OTUD7A: variants seen among roughly 807,000 people sequenced by gnomAD.
OTUD7A encodes the protein OTU deubiquitinase 7A, also known as OTU domain-containing protein 7A.
A neutral mutation model predicts 65.7 loss-of-function variants in OTUD7A; 12 were observed. That is an observed-to-expected ratio of 0.18 (90% CI 0.12 to 0.30). OTUD7A has a LOEUF of 0.30. OTUD7A is among the 10% of genes least tolerant of loss of function. The probability of loss-of-function intolerance (pLI) is 1.00; values close to 1 mark genes in which losing one functional copy is unlikely to be tolerated. For synonymous variants in OTUD7A, 641 were observed against 586.3 expected (o/e 1.09, Z -1.35); for missense variants, 1,148 against 1,304.8 (o/e 0.88, Z 1.85).
At chr15:31,848,163 G>A (rs1223376274) in intron 1 of OTUD7A, among the ~76,000 whole-genome samples, 1 of 152,182 alleles carries the variant, frequency 6.6e-6, no homozygotes, top group Non-Finnish European at 1.5e-5. Context: ...TTACAGGAGC[G>A]GCCTCACTGC....
chr15:31,483,477 G>A lies in OTUD7A; in HGVS notation c.2619C>T (p.Asp873=), dbSNP rs1363802429. Residue 873 remains aspartate (D), a synonymous_variant, in exon 13 of 13, where the codon GAC becomes GAT. Coordinates refer to ENST00000307050, the MANE Select transcript of OTUD7A (RefSeq NM_001382637.1). ...GALRDGLEFA[D]ADAPTARSNG... ...TCGAGCGCGCGGTCGGCGCGTCGGC[G>A]TCGGCGAACTCCAGGCCGTCGCGCA... 2 of 1,390,792 alleles carry A rather than the reference G, an allele frequency of 1.4e-6. No homozygotes were observed. The highest frequency in any genetic ancestry group is 1.4e-5 in the South Asian group (1 of 71,014). 86.2% of individuals were successfully genotyped at this position (1,390,792 alleles called of 1,614,324 possible). A position where few individuals can be genotyped will look rare whatever the true frequency, so the allele number is the denominator to read the frequency against.
intron 1 of OTUD7A, among the ~76,000 whole-genome samples, chr15:31,827,231 C>T (rs531712693): frequency 3.5e-4 from 53 of 152,350 alleles, no homozygotes; most frequent in Admixed American, 1.4e-3. Context: ...ACTTACAGTT[C>T]CATGTGGCTG....
chr15:31,710,447 C>T (rs1250360435), intron 1 of OTUD7A, among the ~76,000 whole-genome samples: 3 of 151,374 alleles, frequency 2.0e-5, no homozygotes, highest in Admixed American at 2.0e-4. Flanking sequence ...TTCACCCAGC[C>T]GCACGGCCAT....
At chr15:31,560,306 G>C (rs1235924895) in intron 4 of OTUD7A, among the ~76,000 whole-genome samples, 1 of 152,174 alleles carries the variant, frequency 6.6e-6, no homozygotes, top group Non-Finnish European at 1.5e-5. Context: ...CTTCTGTCTG[G>C]ATATTCTTTT....
rs1412281471 is a variant in OTUD7A, at chr15:31,820,518, T to C, written c.-100+49989A>G. Among the ~76,000 whole-genome samples, 4 of 152,268 alleles carry C rather than the reference T, an allele frequency of 2.6e-5. No individual in the cohort carries two copies. The East Asian group carries it at 5.8e-4, about 22-fold the overall frequency. ...ACAGTGTGTCAGGCACAGTACTAAA[T>C]GCTTCCCATGCATTTATTTATTTTA... On this transcript the variant is annotated intron_variant, in intron 1 of 12. Transcript: ENST00000307050.
At chr15:31,660,284 C>G (rs888560036) in intron 1 of OTUD7A, among the ~76,000 whole-genome samples, 10 of 152,224 alleles carry the variant, frequency 6.6e-5, no homozygotes, top group African/African-American at 1.9e-4. Context: ...GATGTCTCAA[C>G]TCAGATGTCA....
intron 1 of OTUD7A, among the ~76,000 whole-genome samples, chr15:31,775,243 T>A (rs1223430794): frequency 6.6e-6 from 1 of 152,048 alleles, no homozygotes; most frequent in Non-Finnish European, 1.5e-5. Context: ...CCAAAATATA[T>A]GGACCCAAGG....
chr15:31,546,043 T>G (rs1888120978), intron 5 of OTUD7A, among the ~76,000 whole-genome samples: 1 of 152,230 alleles, frequency 6.6e-6, no homozygotes, highest in Admixed American at 6.5e-5. Context: ...GGCATTGTGT[T>G]AGGTATTACA....
chr15:31,734,186 A>T lies in OTUD7A; in HGVS notation c.-99-77109T>A, dbSNP rs1894122841. Among the ~76,000 whole-genome samples, 3 of 152,196 alleles carry T rather than the reference A, an allele frequency of 2.0e-5. No homozygotes were observed. The South Asian group carries it at 6.2e-4, about 32-fold the overall frequency. On this transcript the variant is annotated intron_variant, in intron 1 of 12. Transcript: ENST00000307050. The stretch of plus-strand genomic sequence containing the variant: ...CAAAAAGAATAAAATACCAAGGAAT[A>T]CAGCTAACCAGGGAGGTTAAAAATC...
intron 1 of OTUD7A, among the ~76,000 whole-genome samples, chr15:31,746,208 CAT>C (rs946893126): frequency 5.9e-5 from 9 of 152,292 alleles, no homozygotes; most frequent in South Asian, 2.1e-4. Context: ...GAAATGAAAA[CAT>C]GTGTCTACAC....
In OTUD7A at chr15:31,483,452, T is replaced by G. The variant is rs1052234423; in HGVS notation, c.2644A>C (p.Asn882His). The change falls in exon 13 of 13, where the codon AAC becomes CAC. Residue 882 changes from asparagine to histidine, a missense_variant. Physicochemically the swap from Asn to His is moderately conservative, Grantham distance 68. Around this residue, in one of 6 missense-constraint regions of OTUD7A, gnomAD observed 842 missense variants for 769.5 expected, o/e 1.09. Transcript: ENST00000307050. ...GGGCCGCCACGGCCGCACTCACCGT[T>G]CGAGCGCGCGGTCGGCGCGTCGGCG... ...ADADAPTARS[N>H]GECGRGGPGP... The G allele has an allele frequency of 8.8e-5, 122 of 1,380,048 alleles. No homozygotes were observed. Among genetic ancestry groups the G allele is most frequent in the Middle Eastern group, 2.5e-4 (1 of 3,972 alleles). 85.5% of individuals were successfully genotyped at this position (1,380,048 alleles called of 1,614,324 possible).
chr15:31,602,222 C>T (rs188805785), intron 3 of OTUD7A, among the ~76,000 whole-genome samples: 2 of 152,180 alleles, frequency 1.3e-5, no homozygotes, highest in African/African-American at 4.8e-5. Flanking sequence ...ACTGGCAAAC[C>T]GAATCCAGCA....
At position 31,778,155 on chromosome 15, in the gene OTUD7A, C is replaced by T. The variant is rs150692847; in HGVS notation, c.-100+92352G>A. Among the ~76,000 whole-genome samples the T allele has an allele frequency of 4.8e-4, 73 of 152,210 alleles. No individual in the cohort carries two copies. In the East Asian group the frequency reaches 0.012, roughly 25 times the overall value. Reference sequence around the variant, plus strand: ...TTCTAAGGACAAGAGCCCAAGAATACGCATAGAGAGAGGGGTACAAGTACC... The same window carrying T: ...TTCTAAGGACAAGAGCCCAAGAATATGCATAGAGAGAGGGGTACAAGTACC... On this transcript the variant is annotated intron_variant, in intron 1 of 12. Coordinates refer to ENST00000307050, the MANE Select transcript of OTUD7A (RefSeq NM_001382637.1).
At chr15:31,738,270 G>A (rs1894247078) in intron 1 of OTUD7A, among the ~76,000 whole-genome samples, 1 of 152,096 alleles carries the variant, frequency 6.6e-6, no homozygotes, top group East Asian at 1.9e-4. Context: ...AGGATTCCAT[G>A]GGGCCAGATG....
At chr15:31,494,872 A>T (rs1426911187) in intron 10 of OTUD7A, among the ~76,000 whole-genome samples, 1 of 152,312 alleles carries the variant, frequency 6.6e-6, no homozygotes, top group Non-Finnish European at 1.5e-5. Flanking sequence ...TTGTTGGAGC[A>T]CATGTTCTCA....
intron 10 of OTUD7A, among the ~76,000 whole-genome samples, chr15:31,489,699 TAA>T (rs2041289166): frequency 6.6e-6 from 1 of 152,222 alleles, no homozygotes; most frequent in African/African-American, 2.4e-5. Context: ...TCCACTGTGT[TAA>T]GTCACTGTGA....
At chr15:31,752,654 A>G (rs1396879137) in intron 1 of OTUD7A, among the ~76,000 whole-genome samples, 2 of 152,184 alleles carry the variant, frequency 1.3e-5, no homozygotes, top group Admixed American at 6.6e-5. Flanking sequence ...ATCAAAAATC[A>G]CATTCACTAA....
chr15:31,849,890 G>A (rs955431788), intron 1 of OTUD7A, among the ~76,000 whole-genome samples: 4 of 152,194 alleles, frequency 2.6e-5, no homozygotes, highest in African/African-American at 9.7e-5. Context: ...TCATTAAAAA[G>A]TCAGGAAACA....
At chr15:31,503,951 C>G in intron 8 of OTUD7A, 133 bp from the exon 9 acceptor site, 1 of 1,054,570 alleles carries the variant, frequency 9.5e-7, no homozygotes, top group Non-Finnish European at 1.4e-6. Flanking sequence ...GGCAGCTGCG[C>G]CATCCTGGGC....
Sources: allele counts gnomAD v4.1 joint callset (sites outside exome capture counted in the v4.1 genomes callset), GRCh38; gene constraint gnomAD v4.1.1; regional missense constraint gnomAD v4.1.1; transcripts MANE v1.5; gene names NCBI Gene and HGNC (gene_info 2026-07-23, HGNC 2026-07-21).